The following EYA4 variants were observed in gnomAD, a reference collection of about 807,000 sequenced individuals.
The protein encoded by EYA4 is EYA transcriptional coactivator and phosphatase 4, also known as protein phosphatase EYA4.
EYA4 carries 31 observed loss-of-function variants against 87.9 expected under a neutral mutation model. The ratio of observed to expected loss-of-function variants is 0.35; its 90% CI spans 0.27 to 0.48. EYA4 has a LOEUF of 0.48. Among genes scored for constraint, EYA4 ranks in the 20% least tolerant of loss-of-function variants. EYA4 has a pLI of 0.99. For synonymous variants in EYA4, 263 were observed against 270.6 expected, an observed-to-expected ratio of 0.97 and a Z score of 0.28; for missense variants, 678 against 761.4, an observed-to-expected ratio of 0.89 and a Z score of 1.29.
intron 3 of EYA4, among the ~76,000 whole-genome samples, chr6:133,415,904 A>G (rs11967280): frequency 0.027 from 4,120 of 152,334 alleles, 155 homozygotes; most frequent in East Asian, 0.082. Context: ...TGTATAGGGA[A>G]CATCACAAGC....
intron 3 of EYA4, among the ~76,000 whole-genome samples, chr6:133,412,598 G>A (rs983664225): frequency 6.6e-6 from 1 of 152,172 alleles, no homozygotes; most frequent in Admixed American, 6.5e-5. Context: ...GAGAGCATGT[G>A]TTTGTTATAG....
intron 2 of EYA4, among the ~76,000 whole-genome samples, chr6:133,313,171 G>A (rs1214142264): frequency 3.3e-5 from 5 of 152,202 alleles, no homozygotes; most frequent in Admixed American, 2.6e-4. Flanking sequence ...GTGTGGGAGA[G>A]CTTGCTTTGT....
At chr6:133,459,258 A>C (rs1794169875) in intron 6 of EYA4, among the ~76,000 whole-genome samples, 1 of 152,252 alleles carries the variant, frequency 6.6e-6, no homozygotes, top group South Asian at 2.1e-4. Context: ...AAATTTGTAA[A>C]GGTTAGTTGA....
At chr6:133,460,608 G>T (rs146980833) in intron 6 of EYA4, among the ~76,000 whole-genome samples, 19 of 152,072 alleles carry the variant, frequency 1.2e-4, no homozygotes, top group African/African-American at 4.3e-4. Flanking sequence ...CATCTGATGG[G>T]TAAAATGAGA....
chr6:133,505,907 C>T (rs1583492226), intron 13 of EYA4, among the ~76,000 whole-genome samples, 199 bp from the exon 14 acceptor site: 1 of 152,092 alleles, frequency 6.6e-6, no homozygotes, highest in Admixed American at 6.5e-5. Flanking sequence ...TGTCTGAATT[C>T]CCAGGTGTGT....
chr6:133,288,302 A>G (rs1778231588), intron 2 of EYA4, among the ~76,000 whole-genome samples: 1 of 152,222 alleles, frequency 6.6e-6, no homozygotes, highest in Non-Finnish European at 1.5e-5. Context: ...TAAACTTATG[A>G]CATGATGGTG....
chr6:133,274,843 A>C (rs764598296), intron 2 of EYA4, 30 bp downstream of exon 2: 1 of 1,596,412 alleles, frequency 6.3e-7, no homozygotes, highest in African/African-American at 1.3e-5. Context: ...TTTGCTGAAA[A>C]AAGTTGCGAT....
intron 13 of EYA4, among the ~76,000 whole-genome samples, chr6:133,498,233 A>G (rs1248651153): frequency 6.6e-6 from 1 of 152,170 alleles, no homozygotes; most frequent in East Asian, 1.9e-4. Flanking sequence ...AACAAACACC[A>G]TATGCTTAGA....
intron 13 of EYA4, among the ~76,000 whole-genome samples, chr6:133,496,547 C>T (rs1189179427): frequency 2.6e-5 from 4 of 152,170 alleles, no homozygotes; most frequent in Admixed American, 1.3e-4. Context: ...AATCCTGGAG[C>T]TTGCTCAGAA....
At chr6:133,300,844 C>G (rs2128313714) in intron 2 of EYA4, among the ~76,000 whole-genome samples, 1 of 152,290 alleles carries the variant, frequency 6.6e-6, no homozygotes. Flanking sequence ...TTATGAGACT[C>G]TTCTCATGAA....
At chr6:133,339,639 C>T (rs1172220761) in intron 2 of EYA4, among the ~76,000 whole-genome samples, 3 of 152,088 alleles carry the variant, frequency 2.0e-5, no homozygotes, top group South Asian at 2.1e-4. Context: ...TAATGAAACA[C>T]GACAGCCAGA....
At chr6:133,313,286 C>A (rs1780375044) in intron 2 of EYA4, among the ~76,000 whole-genome samples, 1 of 152,170 alleles carries the variant, frequency 6.6e-6, no homozygotes, top group South Asian at 2.1e-4. Context: ...GCCAAGCATG[C>A]CTCCTTCCTG....
chr6:133,319,277 G>T (rs912321700), intron 2 of EYA4, among the ~76,000 whole-genome samples: 3 of 152,220 alleles, frequency 2.0e-5, no homozygotes, highest in Non-Finnish European at 2.9e-5. Context: ...GGCATAAGCC[G>T]GAAGTTGTGA....
At chr6:133,515,869 C>G (rs1409458765) in intron 17 of EYA4, among the ~76,000 whole-genome samples, 2 of 151,996 alleles carry the variant, frequency 1.3e-5, no homozygotes, top group Non-Finnish European at 2.9e-5. Context: ...AGGTGTTAGG[C>G]CATAATGGAT....
chr6:133,243,567 C>T (rs1204775668), intron 1 of EYA4, among the ~76,000 whole-genome samples: 3 of 150,990 alleles, frequency 2.0e-5, no homozygotes, highest in Admixed American at 6.6e-5. Flanking sequence ...TTGTTTGTTG[C>T]GTTGTTTTTG....
intron 4 of EYA4, among the ~76,000 whole-genome samples, chr6:133,447,095 A>ATG (rs1249236327): frequency 6.6e-6 from 1 of 152,268 alleles, no homozygotes; most frequent in Non-Finnish European, 1.5e-5. Context: ...AAATGTCTGT[A>ATG]TGTGTGTGTG....
intron 1 of EYA4, among the ~76,000 whole-genome samples, chr6:133,250,284 T>TA (rs940469839): frequency 9.9e-5 from 15 of 152,174 alleles, no homozygotes; most frequent in Non-Finnish European, 2.1e-4. Context: ...TCTCTGGAGA[T>TA]ACGGTAATTT....
At chr6:133,267,234 A>G (rs1167585132) in intron 1 of EYA4, among the ~76,000 whole-genome samples, 1 of 152,202 alleles carries the variant, frequency 6.6e-6, no homozygotes, top group East Asian at 1.9e-4. Flanking sequence ...AGTATGTGAA[A>G]CCAAAAATGT....
chr6:133,256,063 A>G (rs141602412), intron 1 of EYA4, among the ~76,000 whole-genome samples: 206 of 152,012 alleles, frequency 1.4e-3, no homozygotes, highest in African/African-American at 4.8e-3. Context: ...AAAAATTTCA[A>G]CTTAATTGAA....
Sources: gnomAD v4.1 joint callset for allele counts (sites outside exome capture counted in the v4.1 genomes callset) on GRCh38, gnomAD v4.1.1 for gene constraint, MANE v1.5 for transcripts, NCBI Gene and HGNC (gene_info 2026-07-23, HGNC 2026-07-21) for gene names.